EML5: variants seen among roughly 807,000 people sequenced by gnomAD.
The protein encoded by EML5 is echinoderm microtubule-associated protein-like 5.
A neutral mutation model predicts 250.0 loss-of-function variants in EML5; 120 were observed. The ratio of observed to expected loss-of-function variants is 0.48; its 90% CI spans 0.41 to 0.56. The LOEUF is 0.56. Ranked by LOEUF, EML5 falls within the 20% of genes least tolerant of loss-of-function variation. The pLI is 0.00. For synonymous variants in EML5, 771 were observed against 806.5 expected, an observed-to-expected ratio of 0.96 and a Z score of 0.75; for missense variants, 2,006 against 2,437.6, an observed-to-expected ratio of 0.82 and a Z score of 3.73.
intron 27 of EML5, 42 bp from the exon 28 acceptor site, chr14:88,649,968 A>G (rs1357346404): frequency 4.2e-6 from 6 of 1,415,182 alleles, no homozygotes; most frequent in Non-Finnish European, 3.7e-6. Context: ...AAAACATATA[A>G]AAATTGATGA....
chr14:88,641,336 A>G (rs1322052487), intron 31 of EML5, among the ~76,000 whole-genome samples: 1 of 152,094 alleles, frequency 6.6e-6, no homozygotes, highest in African/African-American at 2.4e-5. Context: ...ATATTCCCAT[A>G]GAAAACTACA....
At chr14:88,675,757 T>C (rs1274198070) in intron 21 of EML5, among the ~76,000 whole-genome samples, 1 of 152,186 alleles carries the variant, frequency 6.6e-6, no homozygotes, top group Non-Finnish European at 1.5e-5. Context: ...ATGCTCTGGT[T>C]CCCTTTAAAA....
At position 88,615,847 on chromosome 14, in the gene EML5, C is replaced by T. The variant is rs1567008214; in HGVS notation, c.5905G>A (p.Val1969Ile). ...SAGGDDCSLF[V>I]WKCVHTPH is the part of the protein sequence containing the mutation. Reference sequence around the variant, plus strand: ...TGAGGTGTATGTACACATTTCCAGACAAATAAGCTGCAATCAGAGAAGAAA... The same window carrying T: ...TGAGGTGTATGTACACATTTCCAGATAAATAAGCTGCAATCAGAGAAGAAA... Residue 1969 changes from valine to isoleucine, a missense_variant, in exon 44 of 44, where the codon GTC becomes ATC. By Grantham distance (29) the Val-to-Ile change is conservative. Coordinates refer to ENST00000554922, the MANE Select transcript of EML5 (RefSeq NM_183387.3). The T allele has an allele frequency of 6.2e-7, 1 of 1,611,506 alleles. No homozygotes were observed. Among genetic ancestry groups the T allele is most frequent in the Non-Finnish European group, 8.5e-7 (1 of 1,178,876 alleles).
intron 33 of EML5, chr14:88,628,025 A>T (rs1201672561): frequency 3.2e-6 from 2 of 622,384 alleles, no homozygotes; most frequent in African/African-American, 3.7e-5. Context: ...GAAAATATAT[A>T]GAACACTTCT....
At chr14:88,688,674 TAAAC>T (rs1030633667) in intron 17 of EML5, among the ~76,000 whole-genome samples, 1 of 152,248 alleles carries the variant, frequency 6.6e-6, no homozygotes, top group Non-Finnish European at 1.5e-5. Context: ...ACTTTTTAGA[TAAAC>T]AAAGACCTGG....
At chr14:88,770,529 G>A (rs780427569) in intron 1 of EML5, among the ~76,000 whole-genome samples, 23 of 151,998 alleles carry the variant, frequency 1.5e-4, no homozygotes, top group African/African-American at 5.6e-4. Flanking sequence ...TCTGAAACAG[G>A]GAAAAAAGAG....
In EML5 at chr14:88,769,260, T is replaced by C. The variant is rs928943179; in HGVS notation, c.198-14589A>G. On this transcript the variant is annotated intron_variant, in intron 1 of 43. Coordinates refer to ENST00000554922, the MANE Select transcript of EML5 (RefSeq NM_183387.3). ...TAGCTTCTCATGAATGGTTTACACC[T>C]TCCTCTGGGTGCTGTTCTCATGATA... Among the ~76,000 whole-genome samples, 4 of 152,144 alleles carry C rather than the reference T, an allele frequency of 2.6e-5. No homozygotes were observed. In the South Asian group the frequency reaches 6.2e-4, roughly 24 times the overall value.
chr14:88,666,609 A>G (rs2092314520), intron 21 of EML5, among the ~76,000 whole-genome samples: 1 of 152,200 alleles, frequency 6.6e-6, no homozygotes, highest in Non-Finnish European at 1.5e-5. Context: ...TTTCAGAACC[A>G]TATATGAAAT....
In EML5 at chr14:88,653,769, T is replaced by G. The variant is rs560504160; in HGVS notation, c.4004+3607A>C. Among the ~76,000 whole-genome samples the G allele has an allele frequency of 6.6e-5, 10 of 152,330 alleles. No individual in the cohort carries two copies. The South Asian group carries it at 2.1e-3, about 32-fold the overall frequency. On this transcript the variant is annotated intron_variant, in intron 27 of 43. Transcript: ENST00000554922. ...GGCCTGAAATTTTCTTTTTTTGTTG[T>G]GTCTCTGCCAGGTTTTGGTATCAAG...
At position 88,708,803 on chromosome 14, in the gene EML5, CT is replaced by C. The variant is rs1357457375; in HGVS notation, c.1658-2378del. The stretch of plus-strand genomic sequence containing the variant: ...ATTGGATTATATGCTCACAAGGTAC[CT>C]TTTGATTATGAAAACTATGATAAAA... On this transcript the variant is annotated intron_variant, in intron 10 of 43. Transcript: ENST00000554922. Among the ~76,000 whole-genome samples the C allele has an allele frequency of 2.6e-5, 4 of 151,958 alleles. No individual in the cohort carries two copies. In the East Asian group the frequency reaches 7.7e-4, roughly 29 times the overall value.
At chr14:88,744,127 T>C in intron 3 of EML5, 36 bp from the exon 4 acceptor site, 1 of 1,435,692 alleles carries the variant, frequency 7.0e-7, no homozygotes, top group Non-Finnish European at 9.4e-7. Flanking sequence ...AAAATACTTA[T>C]TTCCAGAATC....
intron 20 of EML5, among the ~76,000 whole-genome samples, chr14:88,683,731 G>A (rs1273605237): frequency 3.3e-5 from 5 of 152,028 alleles, no homozygotes; most frequent in Non-Finnish European, 7.4e-5. Context: ...CACATGATCA[G>A]CTTAATAGAC....
At chr14:88,699,853 G>A (rs1016665273) in intron 14 of EML5, among the ~76,000 whole-genome samples, 3 of 152,068 alleles carry the variant, frequency 2.0e-5, no homozygotes, top group African/African-American at 7.2e-5. Context: ...GAACAGGTTT[G>A]GAAGGGAAGA....
At chr14:88,706,223 G>C in intron 11 of EML5, 36 bp downstream of exon 11, 1 of 1,515,252 alleles carries the variant, frequency 6.6e-7, no homozygotes, top group African/African-American at 1.4e-5. Context: ...AGAATTATTT[G>C]ACAGGGAAAC....
At position 88,614,323 on chromosome 14, in the gene EML5, C is replaced by A. The variant is rs1360912638; in HGVS notation, c.*1495G>T. ...CCACTGATGAACAAGTACCAACTTA[C>A]GTTTCAAGCTTCTTAGCCCCATAAT... On this transcript the variant is annotated 3_prime_UTR_variant, in exon 44 of 44. Transcript: ENST00000554922. 2 of 152,178 alleles carry A rather than the reference C, an allele frequency of 1.3e-5. No individual in the cohort carries two copies. Among genetic ancestry groups the A allele is most frequent in the Non-Finnish European group, 2.9e-5 (2 of 68,012 alleles). 9.4% of individuals were successfully genotyped at this position (152,178 alleles called of 1,614,324 possible).
Position 88,663,069 on chromosome 14 carries a change from C to T in EML5, c.3460G>A (p.Ala1154Thr). 1 of 1,554,074 alleles carries T rather than the reference C, an allele frequency of 6.4e-7. No individual in the cohort carries two copies. The highest frequency in any genetic ancestry group is 8.7e-7 in the Non-Finnish European group (1 of 1,147,974). Residue 1154 changes from alanine to threonine, a missense_variant, in exon 24 of 44, where the codon GCT (alanine) becomes ACT (threonine). Transcript: ENST00000554922. ...TGAKEQLFFEAPRGKKQTIPS... is the reference protein window; with the variant it reads ...TGAKEQLFFETPRGKKQTIPS... Reference sequence around the variant, plus strand: ...ATGGTTTGTTTTTTCCCTCTGGGAGCTTCAAAGAATAATTGTTCCTTAGCA... The same window carrying T: ...ATGGTTTGTTTTTTCCCTCTGGGAGTTTCAAAGAATAATTGTTCCTTAGCA...
intron 7 of EML5, among the ~76,000 whole-genome samples, chr14:88,729,866 T>TTTTC (rs58698629): frequency 0.51 from 73,269 of 142,572 alleles, 18,410 homozygotes; most frequent in East Asian, 0.72. Flanking sequence ...CGGTCTTGTT[T>TTTTC]TTTGTTTTTT....
At chr14:88,655,941 G>A (rs1235965636) in intron 27 of EML5, among the ~76,000 whole-genome samples, 3 of 152,148 alleles carry the variant, frequency 2.0e-5, no homozygotes, top group African/African-American at 7.2e-5. Flanking sequence ...CAGTTAGAAT[G>A]GTGATCATTA....
intron 33 of EML5, among the ~76,000 whole-genome samples, chr14:88,628,551 G>A (rs2090196565): frequency 6.6e-6 from 1 of 151,932 alleles, no homozygotes; most frequent in Admixed American, 6.6e-5. Flanking sequence ...CTATAAAAAT[G>A]GATAGGTCAA....
Sources: allele counts gnomAD v4.1 joint callset (sites outside exome capture counted in the v4.1 genomes callset), GRCh38; gene constraint gnomAD v4.1.1; transcripts MANE v1.5; gene names NCBI Gene and HGNC (gene_info 2026-07-23, HGNC 2026-07-21).